The following PFDN1 variants were observed in gnomAD, a reference collection of about 807,000 sequenced individuals.
The protein encoded by PFDN1 is prefoldin 1.
A neutral mutation model predicts 17.3 loss-of-function variants in PFDN1; 6 were observed. The observed-to-expected ratio is 0.35, with a 90% CI of 0.19 to 0.69. PFDN1 has a LOEUF of 0.69. Among genes scored for constraint, PFDN1 ranks in the 30% least tolerant of loss-of-function variants. The pLI, the probability that PFDN1 is intolerant of heterozygous loss-of-function variation, is 0.65. For missense variants in PFDN1, 113 were observed against 146.2 expected, an observed-to-expected ratio of 0.77 and a Z score of 1.17; for synonymous variants, 58 against 50.1, an observed-to-expected ratio of 1.16 and a Z score of -0.67.
chr5:140,274,451 A>G (rs1201017524), intron 3 of PFDN1, among the ~76,000 whole-genome samples: 1 of 152,180 alleles, frequency 6.6e-6, no homozygotes, highest in African/African-American at 2.4e-5. Context: ...TTTTTTAAAA[A>G]TAGAAAATTT....
At chr5:140,256,658 C>CAAAAAAAAA (rs757723797) in intron 3 of PFDN1, among the ~76,000 whole-genome samples, 15 of 39,886 alleles carry the variant, frequency 3.8e-4, no homozygotes, top group Admixed American at 8.7e-4. Context: ...CAAAAAATGA[C>CAAAAAAAAA]AAAAAAAAAA....
chr5:140,259,911 T>G (rs576736016), intron 3 of PFDN1, among the ~76,000 whole-genome samples: 1 of 152,206 alleles, frequency 6.6e-6, no homozygotes, highest in Non-Finnish European at 1.5e-5. Context: ...AGCAAAGGAT[T>G]TGTACAGGTG....
chr5:140,286,044 A>T (rs142763304), intron 2 of PFDN1, among the ~76,000 whole-genome samples: 129 of 152,284 alleles, frequency 8.5e-4, no homozygotes, highest in African/African-American at 2.7e-3. Flanking sequence ...TTTAAAAAAA[A>T]ATATTTTTTT....
At chr5:140,246,649 A>AC (rs1188791752) in intron 3 of PFDN1, among the ~76,000 whole-genome samples, 3 of 152,150 alleles carry the variant, frequency 2.0e-5, no homozygotes, top group Non-Finnish European at 4.4e-5. Flanking sequence ...AGGAAAGCAG[A>AC]CCTTTTGGAG....
chr5:140,258,419 A>G (rs1765017809), intron 3 of PFDN1, among the ~76,000 whole-genome samples: 1 of 144,706 alleles, frequency 6.9e-6, no homozygotes, highest in Non-Finnish European at 1.5e-5. Flanking sequence ...TGCAAATACA[A>G]TTTTCTGAGA....
chr5:140,251,754 A>G (rs932937724), intron 3 of PFDN1, among the ~76,000 whole-genome samples: 1 of 152,132 alleles, frequency 6.6e-6, no homozygotes, highest in African/African-American at 2.4e-5. Context: ...GGGAAATGAC[A>G]TTGTTGGAGT....
chr5:140,279,878 C>G (rs1765363463), intron 3 of PFDN1, among the ~76,000 whole-genome samples: 1 of 150,790 alleles, frequency 6.6e-6, no homozygotes, highest in Non-Finnish European at 1.5e-5. Flanking sequence ...GCCTGTAATC[C>G]CAGCTACTTG....
rs772575762 is a variant in PFDN1 at position 140,279,995 on chromosome 5, C to CAAAAAAAAAAAA, written c.285+1442_285+1453dup. 6.7e-4 allele frequency among the ~76,000 whole-genome samples: 21 copies of CAAAAAAAAAAAA among 31,230 alleles called. 1 individual carries two copies. Among genetic ancestry groups the CAAAAAAAAAAAA allele is most frequent in the Admixed American group, 1.1e-3 (3 of 2,672 alleles). The allele number at this position is 31,230 out of a possible 152,430, so 20.5% of individuals were successfully genotyped here. On this transcript the variant is annotated intron_variant, in intron 3 of 3. Transcript: ENST00000261813. ...GGGCAACAAGAGCGAAACTCCGTCT[C>CAAAAAAAAAAAA]AAAAAAAAAAAAAAAAAACAAAAAA... is the stretch of plus-strand genomic sequence containing the variant.
intron 3 of PFDN1, among the ~76,000 whole-genome samples, chr5:140,248,501 C>G (rs1227048366): frequency 1.3e-5 from 2 of 152,216 alleles, no homozygotes; most frequent in African/African-American, 4.8e-5. Context: ...CATACACCAC[C>G]TGGGCACCCT....
At chr5:140,294,162 C>CTCTCACACCAAAAGTAA (rs1368874407) in intron 2 of PFDN1, among the ~76,000 whole-genome samples, 2 of 152,026 alleles carry the variant, frequency 1.3e-5, no homozygotes, top group Non-Finnish European at 2.9e-5. Flanking sequence ...TGCAATGTGA[C>CTCTCACACCAAAAGTAA]TCTCACACCA....
chr5:140,294,758 T>C (rs1765629211), intron 2 of PFDN1, among the ~76,000 whole-genome samples: 1 of 152,044 alleles, frequency 6.6e-6, no homozygotes, highest in Non-Finnish European at 1.5e-5. Context: ...TTATGCCACA[T>C]TTATCTTAAG....
chr5:140,293,464 T>C (rs1025631941), intron 2 of PFDN1, among the ~76,000 whole-genome samples: 1 of 152,118 alleles, frequency 6.6e-6, no homozygotes. Flanking sequence ...TATTTTAGTA[T>C]GTTTGTACTC....
At chr5:140,297,876 A>G (rs1205032966) in intron 2 of PFDN1, among the ~76,000 whole-genome samples, 1 of 152,228 alleles carries the variant, frequency 6.6e-6, no homozygotes, top group Non-Finnish European at 1.5e-5. Flanking sequence ...TTCTATTTTG[A>G]AAAAGGAATT....
chr5:140,284,207 C>G (rs1176352846), intron 2 of PFDN1, among the ~76,000 whole-genome samples: 1 of 152,180 alleles, frequency 6.6e-6, no homozygotes, highest in Non-Finnish European at 1.5e-5. Context: ...CTTCAAAGGC[C>G]AGAGAGATTC....
At position 140,266,535 on chromosome 5, in the gene PFDN1, TG is replaced by T. The variant is rs540164009; in HGVS notation, c.285+14913del. Among the ~76,000 whole-genome samples, 751 of 152,364 alleles carry T rather than the reference TG, an allele frequency of 4.9e-3. 5 individuals are homozygous for T. Among genetic ancestry groups the T allele is most frequent in the Non-Finnish European group, 7.6e-3 (519 of 68,040 alleles). ...CTAATAAAAACAATCCTTTTTTACC[TG>T]TGGTATTAAAGTAATCAGGTTTAGA... On this transcript the variant is annotated intron_variant, in intron 3 of 3. Coordinates refer to ENST00000261813, the MANE Select transcript of PFDN1 (RefSeq NM_002622.5).
intron 2 of PFDN1, among the ~76,000 whole-genome samples, chr5:140,291,826 C>T (rs543238686): frequency 1.2e-4 from 19 of 152,136 alleles, no homozygotes; most frequent in East Asian, 3.9e-4. Context: ...AAGGTAAGAA[C>T]GTGCTTCAAG....
At position 140,303,044 on chromosome 5, in the gene PFDN1, C is replaced by T; in HGVS notation, c.30G>A (p.Lys10=). The stretch of plus-strand genomic sequence containing the variant: ...CCTGCCAAAGACCCTCTTTTACCTT[C>T]TTCAGCTCTAGATCCACGGGGGCGG... MAAPVDLEL[K]KAFTELQAKV... is the part of the protein sequence containing the mutation. The change falls in exon 1 of 4, where the codon AAG becomes AAA. Residue 10 remains lysine, a synonymous_variant. Coordinates refer to ENST00000261813, the MANE Select transcript of PFDN1 (RefSeq NM_002622.5). The T allele has an allele frequency of 6.2e-7, 1 of 1,611,550 alleles. No homozygotes were observed. The highest frequency in any genetic ancestry group is 2.2e-5 in the East Asian group (1 of 44,890).
intron 3 of PFDN1, among the ~76,000 whole-genome samples, chr5:140,251,217 T>C (rs1233739914): frequency 6.6e-6 from 1 of 152,204 alleles, no homozygotes; most frequent in African/African-American, 2.4e-5. Flanking sequence ...ATTACAGATG[T>C]GAACTACTGC....
intron 3 of PFDN1, among the ~76,000 whole-genome samples, chr5:140,276,776 G>A (rs1167047191): frequency 3.0e-4 from 18 of 59,694 alleles, no homozygotes; most frequent in South Asian, 1.9e-3. Context: ...GTGAGACACC[G>A]TCTCAAAAAA....
Sources: gnomAD v4.1 joint callset for allele counts (sites outside exome capture counted in the v4.1 genomes callset) on GRCh38, gnomAD v4.1.1 for gene constraint, MANE v1.5 for transcripts, NCBI Gene and HGNC (gene_info 2026-07-23, HGNC 2026-07-21) for gene names.